The following ADARB1 variants were observed in gnomAD, a reference collection of about 807,000 sequenced individuals.
ADARB1 encodes double-stranded RNA-specific editase 1.
A neutral mutation model predicts 52.4 loss-of-function variants in ADARB1; 10 were observed. The observed-to-expected ratio is 0.19, with a 90% confidence interval of 0.12 to 0.32. The LOEUF (loss-of-function observed/expected upper bound fraction) is 0.32, where lower values mean the gene tolerates loss of function less well. Among genes scored for constraint, ADARB1 ranks in the 10% least tolerant of loss-of-function variants. ADARB1 has a pLI of 1.00. For missense variants in ADARB1, 643 were observed against 922.3 expected (o/e 0.70, Z 3.92); for synonymous variants, 349 against 371.1 (o/e 0.94, Z 0.68).
intron 8 of ADARB1, among the ~76,000 whole-genome samples, chr21:45,192,435 G>C (rs1369306912): frequency 6.6e-6 from 1 of 152,178 alleles, no homozygotes; most frequent in East Asian, 1.9e-4. Context: ...CCCTGAATCT[G>C]AGCCTGTCAT....
At chr21:45,094,610 G>A (rs979275457) in intron 1 of ADARB1, among the ~76,000 whole-genome samples, 3 of 151,994 alleles carry the variant, frequency 2.0e-5, no homozygotes, top group African/African-American at 4.8e-5. Context: ...AGGTTTCTAC[G>A]GCCCTGCACG....
At chr21:45,088,313 G>C (rs1346856516) in intron 1 of ADARB1, among the ~76,000 whole-genome samples, 3 of 152,226 alleles carry the variant, frequency 2.0e-5, no homozygotes, top group Non-Finnish European at 4.4e-5. Flanking sequence ...CTCTGATGAT[G>C]CTGGAAATAA....
intron 1 of ADARB1, among the ~76,000 whole-genome samples, chr21:45,083,591 GA>G (rs2086231217): frequency 6.6e-6 from 1 of 152,182 alleles, no homozygotes; most frequent in Non-Finnish European, 1.5e-5. Flanking sequence ...CATCTTGACA[GA>G]AACAAGAATA....
At chr21:45,138,425 C>T (rs998469937) in intron 2 of ADARB1, among the ~76,000 whole-genome samples, 1 of 152,218 alleles carries the variant, frequency 6.6e-6, no homozygotes, top group African/African-American at 2.4e-5. Flanking sequence ...AGAGTTCAGC[C>T]ATCTTAGGGC....
intron 3 of ADARB1, among the ~76,000 whole-genome samples, chr21:45,173,439 C>T (rs939145342): frequency 3.3e-5 from 5 of 152,022 alleles, no homozygotes; most frequent in Non-Finnish European, 5.9e-5. Context: ...CAGTGTGCCC[C>T]TGAGGTGAAT....
intron 2 of ADARB1, chr21:45,145,187 A>G (rs1469389893): frequency 6.6e-6 from 1 of 152,258 alleles, no homozygotes; most frequent in Non-Finnish European, 1.5e-5. Flanking sequence ...GGAGGTGACC[A>G]AGGAACCAGA....
chr21:45,146,410 C>T (rs929244362), intron 2 of ADARB1: 2 of 152,222 alleles, frequency 1.3e-5, no homozygotes, highest in African/African-American at 4.8e-5. Flanking sequence ...AGTTGGGAAA[C>T]GGGATGATAG....
In ADARB1 at chr21:45,172,208, T is replaced by C. The variant is rs1277879020; in HGVS notation, c.28+524T>C. 4.6e-5 allele frequency among the ~76,000 whole-genome samples: 7 copies of C among 152,312 alleles called. No individual in the cohort carries two copies. The East Asian group carries it at 1.4e-3, about 29-fold the overall frequency. Reference sequence around the variant, plus strand: ...TGGTGTGGGCCTCCTCCTTCCGTGCTGTTCTCTCTGGTGCCGGGGTGGTGG... The same window carrying C: ...TGGTGTGGGCCTCCTCCTTCCGTGCCGTTCTCTCTGGTGCCGGGGTGGTGG... On this transcript the variant is annotated intron_variant, in intron 3 of 10. Transcript: ENST00000348831. This position sits in a 1 kb window ranked among gnomAD's most constrained non-coding sequence, Gnocchi z 4.4.
At chr21:45,192,521 A>G (rs963045379) in intron 8 of ADARB1, among the ~76,000 whole-genome samples, 1 of 151,632 alleles carries the variant, frequency 6.6e-6, no homozygotes, top group Non-Finnish European at 1.5e-5. Context: ...TGGCCTGACA[A>G]CTTCCATTTC....
At chr21:45,159,905 G>A (rs1443835571) in intron 2 of ADARB1, among the ~76,000 whole-genome samples, 1 of 152,218 alleles carries the variant, frequency 6.6e-6, no homozygotes, top group African/African-American at 2.4e-5. Flanking sequence ...TCCATGCGCT[G>A]TGTGTCACTT....
intron 2 of ADARB1, among the ~76,000 whole-genome samples, chr21:45,168,766 A>C (rs548764331): frequency 6.6e-6 from 1 of 152,064 alleles, no homozygotes; most frequent in East Asian, 1.9e-4. Flanking sequence ...TGGTGGTTAC[A>C]TTAAAGTCTT....
intron 1 of ADARB1, among the ~76,000 whole-genome samples, chr21:45,102,500 C>G (rs1011568116): frequency 6.6e-6 from 1 of 152,122 alleles, no homozygotes; most frequent in African/African-American, 2.4e-5. Flanking sequence ...ATAGCTGATT[C>G]TAGGACTGGG....
At chr21:45,121,345 C>G (rs1464587658) in intron 1 of ADARB1, among the ~76,000 whole-genome samples, 2 of 152,142 alleles carry the variant, frequency 1.3e-5, no homozygotes, top group Admixed American at 1.3e-4. Context: ...CATCTTTATT[C>G]TTATTGTGGA....
At chr21:45,210,995 G>A (rs1310921419) in intron 9 of ADARB1, among the ~76,000 whole-genome samples, 2 of 152,238 alleles carry the variant, frequency 1.3e-5, no homozygotes, top group Non-Finnish European at 2.9e-5. Context: ...CTAAAACCCT[G>A]AGGTCTCCTT....
At chr21:45,191,634 T>C (rs1161134111) in intron 8 of ADARB1, among the ~76,000 whole-genome samples, 1 of 152,042 alleles carries the variant, frequency 6.6e-6, no homozygotes, top group Non-Finnish European at 1.5e-5. Flanking sequence ...TGTTTTAACA[T>C]ACTGTTTGAT....
At chr21:45,088,313 GC>G (rs1161621568) in intron 1 of ADARB1, among the ~76,000 whole-genome samples, 10 of 152,226 alleles carry the variant, frequency 6.6e-5, no homozygotes, top group African/African-American at 2.4e-4. Context: ...CTCTGATGAT[GC>G]TGGAAATAAG....
In ADARB1 at chr21:45,224,062, G is replaced by A. The variant is rs530497147; in HGVS notation, c.*1865G>A. ...TGCAGAAGGAGAGGGGTCTGTTGTC[G>A]CTGGCTTTCCCCCAAGCAGGCTCTT... On this transcript the variant is annotated 3_prime_UTR_variant, in exon 11 of 11. Coordinates refer to ENST00000348831, the MANE Select transcript of ADARB1 (RefSeq NM_001112.4). 6.7e-4 allele frequency: 660 copies of A among 985,316 alleles called. No homozygotes were observed. Among genetic ancestry groups the A allele is most frequent in the Non-Finnish European group, 7.5e-4 (619 of 829,978 alleles). 61.0% of individuals were successfully genotyped at this position (985,316 alleles called of 1,614,324 possible). A position where few individuals can be genotyped will look rare whatever the true frequency, so the allele number is the denominator to read the frequency against.
chr21:45,176,758 C>A lies in ADARB1; in HGVS notation c.963+94C>A. On this transcript the variant is annotated intron_variant, in intron 4 of 10. Transcript: ENST00000348831. The surrounding 1 kb of genome is among the most constrained non-coding windows in gnomAD (Gnocchi z 5.8). Reference sequence around the variant, plus strand: ...TAGTTTCAGGATTACTGTTGACTTTCCACCTTGACATCACTCTGTCCCCAC... The same window carrying A: ...TAGTTTCAGGATTACTGTTGACTTTACACCTTGACATCACTCTGTCCCCAC... The A allele has an allele frequency of 7.6e-7, 1 of 1,309,228 alleles. No individual in the cohort carries two copies. Among genetic ancestry groups the A allele is most frequent in the Non-Finnish European group, 1.0e-6 (1 of 964,428 alleles). The allele number at this position is 1,309,228 out of a possible 1,614,324, so 81.1% of individuals were successfully genotyped here. A position where few individuals can be genotyped will look rare whatever the true frequency, so the allele number is the denominator to read the frequency against.
chr21:45,210,581 T>TA (rs1486439907), intron 9 of ADARB1, among the ~76,000 whole-genome samples: 2 of 152,212 alleles, frequency 1.3e-5, no homozygotes. Context: ...GCCAGATTCT[T>TA]ACATGCTTCC....
Sources: allele counts gnomAD v4.1 joint callset (sites outside exome capture counted in the v4.1 genomes callset), GRCh38; gene constraint gnomAD v4.1.1; non-coding constraint Gnocchi (gnomAD v3.1); transcripts MANE v1.5; gene names NCBI Gene and HGNC (gene_info 2026-07-23, HGNC 2026-07-21).